Variants in RANBP17 observed in about 807,000 individuals in gnomAD.
The protein encoded by RANBP17 is ran-binding protein 17.
RANBP17 carries 158 observed loss-of-function variants against 141.2 expected under a neutral mutation model. The ratio of observed to expected loss-of-function variants is 1.12; its 90% CI spans 0.98 to 1.28. RANBP17 has a LOEUF of 1.28. Among genes scored for constraint, RANBP17 ranks in the 50% most tolerant of loss-of-function variants. The pLI is 0.00. For missense variants in RANBP17, 1,438 were observed against 1,290.7 expected (o/e 1.11, Z -1.75); for synonymous variants, 430 against 450.0 (o/e 0.96, Z 0.56).
At chr5:171,251,963 A>G (rs2128004950) in intron 24 of RANBP17, 3 of 1,609,510 alleles carry the variant, frequency 1.9e-6, no homozygotes, top group Non-Finnish European at 2.6e-6. Flanking sequence ...TGCTACTGCA[A>G]TTCAGTTCTT....
chr5:171,258,187 G>T (rs907857482), intron 24 of RANBP17, among the ~76,000 whole-genome samples: 1 of 148,494 alleles, frequency 6.7e-6, no homozygotes, highest in Non-Finnish European at 1.5e-5. Flanking sequence ...AACCAAGAAG[G>T]TGAAAGATCT....
At chr5:170,895,764 A>G (rs951101255) in intron 4 of RANBP17, among the ~76,000 whole-genome samples, 8 of 152,338 alleles carry the variant, frequency 5.3e-5, no homozygotes, top group South Asian at 4.1e-4. Flanking sequence ...TATTTGTCCT[A>G]TAAGTGCTGG....
At chr5:171,287,331 A>G (rs1053741654) in intron 25 of RANBP17, among the ~76,000 whole-genome samples, 2 of 152,240 alleles carry the variant, frequency 1.3e-5, no homozygotes, top group Non-Finnish European at 2.9e-5. Context: ...TGTATACTAA[A>G]AATAGAAAAA....
Position 171,112,785 on chromosome 5 carries a change from C to G in RANBP17, c.1711-57345C>G, listed in dbSNP as rs564327416. Among the ~76,000 whole-genome samples the G allele has an allele frequency of 5.9e-5, 9 of 151,984 alleles. No individual in the cohort carries two copies. The South Asian group carries it at 1.7e-3, about 28-fold the overall frequency. On this transcript the variant is annotated intron_variant, in intron 14 of 27. Coordinates refer to ENST00000523189, the MANE Select transcript of RANBP17 (RefSeq NM_022897.5). ...TCTGCCTTTTTTGTTGGGACACAATCTGCCATTTTTATCCTGTAAACATTT... is the reference window on the plus strand; with the variant it reads ...TCTGCCTTTTTTGTTGGGACACAATGTGCCATTTTTATCCTGTAAACATTT...
intron 22 of RANBP17, among the ~76,000 whole-genome samples, chr5:171,227,274 T>A (rs1763937120): frequency 6.6e-6 from 1 of 152,204 alleles, no homozygotes; most frequent in Non-Finnish European, 1.5e-5. Flanking sequence ...AATTAAAAAT[T>A]CTACACTAGC....
chr5:171,252,959 A>G (rs1765666133), intron 24 of RANBP17: 10 of 1,436,132 alleles, frequency 7.0e-6, no homozygotes, highest in South Asian at 5.7e-5. Context: ...GAGTCTGGTT[A>G]CATCCTTTTC....
intron 14 of RANBP17, among the ~76,000 whole-genome samples, chr5:170,990,906 A>G (rs1478281809): frequency 2.0e-5 from 3 of 151,962 alleles, no homozygotes; most frequent in African/African-American, 7.2e-5. Flanking sequence ...TGCTCATTAA[A>G]GGCATTGTCG....
chr5:171,171,578 A>T (rs1014111210), intron 16 of RANBP17, among the ~76,000 whole-genome samples: 2 of 152,004 alleles, frequency 1.3e-5, no homozygotes, highest in African/African-American at 4.8e-5. Flanking sequence ...GAAAGTCCAC[A>T]TGTATTTTAG....
At chr5:170,925,172 A>G (rs1420766860) in intron 12 of RANBP17, among the ~76,000 whole-genome samples, 1 of 152,126 alleles carries the variant, frequency 6.6e-6, no homozygotes, top group Admixed American at 6.5e-5. Flanking sequence ...TGTTTTGCAT[A>G]TTTGTTTATC....
At chr5:171,252,116 T>TC in intron 24 of RANBP17, 1 of 1,594,292 alleles carries the variant, frequency 6.3e-7, no homozygotes, top group African/African-American at 1.3e-5. Flanking sequence ...GAGTAATACC[T>TC]CCCAAGAAGT....
chr5:171,246,243 T>C (rs1765210945), intron 24 of RANBP17, among the ~76,000 whole-genome samples: 1 of 152,208 alleles, frequency 6.6e-6, no homozygotes, highest in Non-Finnish European at 1.5e-5. Flanking sequence ...CTTGGAGAGC[T>C]GTAGAACTCT....
rs531200106 is a variant in RANBP17 at position 171,271,075 on chromosome 5, C to CTTTTTTTTTTTTTTTTTTTTTTTT, written c.2943+5248_2943+5271dup. On this transcript the variant is annotated intron_variant, in intron 25 of 27. Coordinates refer to ENST00000523189, the MANE Select transcript of RANBP17 (RefSeq NM_022897.5). ...TTTCTCCCTCCTTTTTATGTTATTT[C>CTTTTTTTTTTTTTTTTTTTTTTTT]TTTTTTTTTTTTTTTTTTTTTTTTT... 4.7e-4 allele frequency: 13 copies of CTTTTTTTTTTTTTTTTTTTTTTTT among 27,562 alleles called. 5 individuals are homozygous for CTTTTTTTTTTTTTTTTTTTTTTTT. The highest frequency in any genetic ancestry group is 1.7e-3 in the African/African-American group (10 of 5,934). 1.7% of individuals were successfully genotyped at this position (27,562 alleles called of 1,614,324 possible). A position where few individuals can be genotyped will look rare whatever the true frequency, so the allele number is the denominator to read the frequency against.
intron 14 of RANBP17, among the ~76,000 whole-genome samples, chr5:171,145,540 T>G (rs530352516): frequency 8.5e-5 from 13 of 152,270 alleles, no homozygotes; most frequent in Non-Finnish European, 1.9e-4. Flanking sequence ...TCCTCCATAC[T>G]TTTATCAACA....
chr5:171,220,194 G>C (rs1179923789), intron 21 of RANBP17, among the ~76,000 whole-genome samples: 2 of 152,098 alleles, frequency 1.3e-5, no homozygotes, highest in Non-Finnish European at 2.9e-5. Context: ...TCCAGATCCT[G>C]TTTGCCTGGG....
chr5:171,063,968 G>A (rs149705757), intron 14 of RANBP17, among the ~76,000 whole-genome samples: 1 of 152,242 alleles, frequency 6.6e-6, no homozygotes, highest in Non-Finnish European at 1.5e-5. Flanking sequence ...CTCCAAGCCA[G>A]GTGCGGGATA....
intron 14 of RANBP17, among the ~76,000 whole-genome samples, chr5:171,062,616 G>T (rs1353318984): frequency 1.3e-5 from 2 of 152,122 alleles, no homozygotes; most frequent in South Asian, 4.2e-4. Context: ...TTCAACTTTG[G>T]TGAATCTGAC....
At chr5:171,169,789 T>C (rs1413706771) in intron 14 of RANBP17, among the ~76,000 whole-genome samples, 1 of 152,024 alleles carries the variant, frequency 6.6e-6, no homozygotes, top group African/African-American at 2.4e-5. Flanking sequence ...GTACTCTACT[T>C]TCCAGCCCTT....
intron 14 of RANBP17, among the ~76,000 whole-genome samples, chr5:171,148,888 G>A (rs1028299767): frequency 7.9e-5 from 12 of 152,168 alleles, no homozygotes; most frequent in Non-Finnish European, 7.4e-5. Flanking sequence ...GATTAAATGA[G>A]ATAAAGTATA....
intron 14 of RANBP17, among the ~76,000 whole-genome samples, chr5:171,002,345 T>G (rs1189465921): frequency 6.6e-6 from 1 of 152,130 alleles, no homozygotes; most frequent in African/African-American, 2.4e-5. Context: ...GAAGTTGGAA[T>G]GCTAGCTGCT....
Sources: gnomAD v4.1 joint callset for allele counts (sites outside exome capture counted in the v4.1 genomes callset) on GRCh38, gnomAD v4.1.1 for gene constraint, MANE v1.5 for transcripts, NCBI Gene and HGNC (gene_info 2026-07-23, HGNC 2026-07-21) for gene names.